The following MYBPHL variants were observed in gnomAD, a reference collection of about 807,000 sequenced individuals.
MYBPHL encodes myosin-binding protein H-like.
In MYBPHL, 32 loss-of-function variants were observed where a neutral mutation model predicts 39.5. The observed-to-expected ratio is 0.81, with a 90% CI of 0.61 to 1.09. The LOEUF is 1.09. Ranked by LOEUF, MYBPHL falls within the 50% of genes least tolerant of loss-of-function variation. The probability of loss-of-function intolerance (pLI) is 0.00; values close to 1 mark genes in which losing one functional copy is unlikely to be tolerated. For synonymous variants in MYBPHL, 196 were observed against 183.7 expected, an observed-to-expected ratio of 1.07 and a Z score of -0.54; for missense variants, 456 against 460.2, an observed-to-expected ratio of 0.99 and a Z score of 0.08.
rs757686533 is a variant in MYBPHL at position 109,296,261 on chromosome 1, G to A, written c.840C>T (p.Leu280=). 20 of 1,613,956 alleles carry A rather than the reference G, an allele frequency of 1.2e-5. No homozygotes were observed. The highest frequency in any genetic ancestry group is 1.6e-5 in the Non-Finnish European group (19 of 1,180,006). ...GGGGAGAGGCGCGGACACAGCAGAAGAGCTGGGTATTATAGCCGGTGACTG... is the reference window on the plus strand; with the variant it reads ...GGGGAGAGGCGCGGACACAGCAGAAAAGCTGGGTATTATAGCCGGTGACTG... ...CTTVTGYNTQ[L]FCCVRASPRP... Residue 280 remains leucine (L), a synonymous_variant, in exon 6 of 9, where the codon CTC becomes CTT. Coordinates refer to ENST00000357155, the MANE Select transcript of MYBPHL (RefSeq NM_001010985.3).
At chr1:109,294,106 A>C (rs914352967) in intron 8 of MYBPHL, 100 bp downstream of exon 8, 2 of 802,412 alleles carry the variant, frequency 2.5e-6, no homozygotes, top group African/African-American at 1.7e-5. Context: ...CAGTGGATAC[A>C]TGACTGAAAG....
At chr1:109,295,328 G>C in intron 6 of MYBPHL, 31 bp from the exon 7 acceptor site, 1 of 1,597,584 alleles carries the variant, frequency 6.3e-7, no homozygotes, top group Non-Finnish European at 8.6e-7. Flanking sequence ...AGGCAGCAAG[G>C]AGGGGCGAGG....
chr1:109,297,713 G>T, intron 2 of MYBPHL, 96 bp from the exon 3 acceptor site: 5 of 1,144,704 alleles, frequency 4.4e-6, no homozygotes, highest in South Asian at 1.6e-5. Context: ...CCACAGGGAG[G>T]CTTGACTTGG....
intron 1 of MYBPHL, among the ~76,000 whole-genome samples, chr1:109,299,907 G>C (rs369530232): frequency 1.3e-5 from 2 of 152,300 alleles, no homozygotes; most frequent in African/African-American, 2.4e-5. Flanking sequence ...CTTCTCTCCT[G>C]TGGCCATCTT....
chr1:109,294,802 G>GTT (rs1163688531), intron 7 of MYBPHL, among the ~76,000 whole-genome samples: 1 of 152,196 alleles, frequency 6.6e-6, no homozygotes, highest in African/African-American at 2.4e-5. Context: ...ATTTCCACCA[G>GTT]TGCCAGGTGA....
In MYBPHL at chr1:109,295,126, G is replaced by T. The variant is rs777623862; in HGVS notation, c.1039C>A (p.Arg347=). The stretch of plus-strand genomic sequence containing the variant: ...TTGCCCTTACCTTTCACATCCACCC[G>T]ACAGTCCACAGATGCCTCCCCTAGG... The part of the protein sequence containing the change: ...NPLGEASVDC[R]VDVKVPN The change falls in exon 7 of 9, where the codon CGG becomes AGG. Residue 347 remains arginine, a synonymous_variant. Transcript: ENST00000357155. The T allele has an allele frequency of 1.9e-6, 3 of 1,613,184 alleles. No homozygotes were observed. The highest frequency in any genetic ancestry group is 1.3e-5 in the African/African-American group (1 of 74,878).
At chr1:109,298,908 G>T (rs1658184246) in intron 1 of MYBPHL, among the ~76,000 whole-genome samples, 1 of 152,200 alleles carries the variant, frequency 6.6e-6, no homozygotes, top group Non-Finnish European at 1.5e-5. Context: ...GGACAGATTA[G>T]GTCCACCACT....
chr1:109,297,631 G>A lies in MYBPHL; in HGVS notation c.235-14C>T. ...TTTGGGCTTGCCCTGAGGAATGAGG[G>A]TAATGCTTTGAGCAGCCCCGAGAGG... On this transcript the variant is annotated splice_polypyrimidine_tract_variant and intron_variant, in intron 2 of 8. Coordinates refer to ENST00000357155, the MANE Select transcript of MYBPHL (RefSeq NM_001010985.3). 6.2e-7 allele frequency: 1 copy of A among 1,609,386 alleles called. No homozygotes were observed. Among genetic ancestry groups the A allele is most frequent in the East Asian group, 2.2e-5 (1 of 44,816 alleles).
chr1:109,296,151 C>T (rs1312626545), intron 6 of MYBPHL, 83 bp downstream of exon 6: 2 of 1,535,600 alleles, frequency 1.3e-6, no homozygotes, highest in East Asian at 4.5e-5. Flanking sequence ...TGTTATGTTA[C>T]AGTGCTCTGC....
At chr1:109,296,967 A>G in intron 4 of MYBPHL, 25 bp from the exon 5 acceptor site, 1 of 1,613,902 alleles carries the variant, frequency 6.2e-7, no homozygotes, top group Non-Finnish European at 8.5e-7. Flanking sequence ...ATGATGCCAG[A>G]AATCAGCCAC....
At chr1:109,306,789 T>A in intron 1 of MYBPHL, 58 bp downstream of exon 1, 1 of 1,448,694 alleles carries the variant, frequency 6.9e-7, no homozygotes, top group Non-Finnish European at 9.2e-7. Flanking sequence ...AAGGTGGCGA[T>A]GTCTTCCCCA....
Position 109,296,809 on chromosome 1 carries a change from G to C in MYBPHL, c.704C>G (p.Thr235Arg), listed in dbSNP as rs775449157. The change falls in exon 5 of 9, where the codon ACG (threonine) becomes AGG (arginine). Residue 235 changes from threonine (T) to arginine (R), a missense_variant. Thr to Arg is a moderately conservative substitution (Grantham distance 71). Transcript: ENST00000357155. ...CGLSETAPIT[T>R]DLAHIQKAAT... is the part of the protein sequence containing the mutation. ...TGCTTTCTGGATGTGGGCGAGGTCC[G>C]TAGTGATGGGGGCTGTTTCACTGAG... The C allele has an allele frequency of 1.2e-6, 2 of 1,614,030 alleles. No individual in the cohort carries two copies. Among genetic ancestry groups the C allele is most frequent in the Non-Finnish European group, 1.7e-6 (2 of 1,180,032 alleles).
intron 1 of MYBPHL, among the ~76,000 whole-genome samples, chr1:109,305,460 C>T (rs961656292): frequency 1.3e-5 from 2 of 152,238 alleles, no homozygotes; most frequent in Admixed American, 1.3e-4. Flanking sequence ...GGGCCCGTGA[C>T]TGGGGGCTGT....
intron 1 of MYBPHL, among the ~76,000 whole-genome samples, chr1:109,302,392 A>G (rs1434846038): frequency 6.6e-6 from 1 of 152,150 alleles, no homozygotes; most frequent in East Asian, 1.9e-4. Flanking sequence ...GGAGTGGTAC[A>G]AGAGTGTCAC....
intron 6 of MYBPHL, among the ~76,000 whole-genome samples, 183 bp from the exon 7 acceptor site, chr1:109,295,480 C>A (rs1658029008): frequency 6.6e-6 from 1 of 152,354 alleles, no homozygotes; most frequent in African/African-American, 2.4e-5. Flanking sequence ...CAAGCTCCTT[C>A]TCTTGTTTGA....
Position 109,298,131 on chromosome 1 carries a change from C to T in MYBPHL, c.234+38G>A, listed in dbSNP as rs114078488. 7.2e-3 allele frequency: 10,961 copies of T among 1,520,332 alleles called. 65 individuals are homozygous for T. Among genetic ancestry groups the T allele is most frequent in the South Asian group, 0.02 (1,646 of 81,966 alleles). 94.2% of individuals were successfully genotyped at this position (1,520,332 alleles called of 1,614,324 possible). On this transcript the variant is annotated intron_variant, in intron 2 of 8. Transcript: ENST00000357155. ...TTTCCAAATCCAAAACCTGCACTGG[C>T]CCCAGACATGGACCCAGTATGGGGC... is the stretch of plus-strand genomic sequence containing the variant.
At chr1:109,295,442 T>C (rs1402298335) in intron 6 of MYBPHL, 145 bp from the exon 7 acceptor site, 1 of 657,182 alleles carries the variant, frequency 1.5e-6, no homozygotes, top group African/African-American at 1.8e-5. Context: ...GGGAAGGGTT[T>C]CCCCTTCCAG....
At chr1:109,296,655 T>A (rs1053703856) in intron 5 of MYBPHL, 128 bp downstream of exon 5, 7 of 1,131,308 alleles carry the variant, frequency 6.2e-6, no homozygotes, top group Non-Finnish European at 9.1e-6. Context: ...TCCAGGCTGG[T>A]CTTGAACTCC....
At chr1:109,294,801 A>T (rs57607242) in intron 7 of MYBPHL, among the ~76,000 whole-genome samples, 5 of 152,164 alleles carry the variant, frequency 3.3e-5, no homozygotes, top group Admixed American at 6.5e-5. Context: ...TATTTCCACC[A>T]GTGCCAGGTG....
Sources: allele counts gnomAD v4.1 joint callset (sites outside exome capture counted in the v4.1 genomes callset), GRCh38; gene constraint gnomAD v4.1.1; transcripts MANE v1.5; gene names NCBI Gene and HGNC (gene_info 2026-07-23, HGNC 2026-07-21).